The following OCIAD1 variants were observed in gnomAD, a reference collection of about 807,000 sequenced individuals.
OCIAD1 encodes the protein OCIA domain-containing protein 1.
In OCIAD1, 29 loss-of-function variants were observed where a neutral mutation model predicts 38.9. The observed-to-expected ratio is 0.74, with a 90% CI of 0.55 to 1.02. The LOEUF is 1.02. Ranked by LOEUF, OCIAD1 falls within the 50% of genes least tolerant of loss-of-function variation. The probability of loss-of-function intolerance (pLI) is 0.00; values close to 1 mark genes in which losing one functional copy is unlikely to be tolerated. For synonymous variants in OCIAD1, 110 were observed against 92.0 expected (o/e 1.20, Z -1.12); for missense variants, 288 against 289.6 (o/e 0.99, Z 0.04).
At chr4:48,817,410 C>T (rs1312225978) in intron 1 of OCIAD1, among the ~76,000 whole-genome samples, 20 of 146,870 alleles carry the variant, frequency 1.4e-4, no homozygotes, top group Non-Finnish European at 2.0e-4. Context: ...GCTACCCAGC[C>T]GGGTTACTAC....
chr4:48,806,130 G>A (rs558489208), intron 1 of OCIAD1, among the ~76,000 whole-genome samples: 58 of 152,162 alleles, frequency 3.8e-4, no homozygotes, highest in African/African-American at 1.3e-3. Context: ...AGCCATGCAC[G>A]GTGGCAGGCG....
At chr4:48,831,476 C>G in intron 1 of OCIAD1, 1 of 1,289,810 alleles carries the variant, frequency 7.8e-7, no homozygotes, top group Non-Finnish European at 1.0e-6. Flanking sequence ...TGTGGGGTTG[C>G]TGCTCAGTCT....
intron 1 of OCIAD1, among the ~76,000 whole-genome samples, chr4:48,823,675 T>G (rs545489095): frequency 5.3e-5 from 8 of 152,076 alleles, no homozygotes; most frequent in Non-Finnish European, 8.8e-5. Flanking sequence ...ATTTTTAATT[T>G]TTTTTTAGAG....
At chr4:48,822,879 G>C (rs1051049190) in intron 1 of OCIAD1, among the ~76,000 whole-genome samples, 1 of 152,196 alleles carries the variant, frequency 6.6e-6, no homozygotes, top group African/African-American at 2.4e-5. Flanking sequence ...TTATTAAAAA[G>C]TCAGGAGACA....
chr4:48,852,042 T>C, intron 7 of OCIAD1, 67 bp downstream of exon 7: 1 of 1,153,002 alleles, frequency 8.7e-7, no homozygotes, highest in Non-Finnish European at 1.2e-6. Flanking sequence ...CTTTATTTGA[T>C]GACCTTTTCT....
chr4:48,848,007 G>GATCTTTCAT lies in OCIAD1; in HGVS notation c.194-382_194-374dup, dbSNP rs575099875. ...AAGTTTTATAACTTGTCAGTGTAGA[G>GATCTTTCAT]ATCTTTCATATCTTTCATTAGATTT... On this transcript the variant is annotated intron_variant, in intron 4 of 8. Coordinates refer to ENST00000264312, the MANE Select transcript of OCIAD1 (RefSeq NM_017830.4). 5.1e-3 allele frequency among the ~76,000 whole-genome samples: 771 copies of GATCTTTCAT among 150,130 alleles called. 3 individuals carry two copies. Among genetic ancestry groups the GATCTTTCAT allele is most frequent in the Non-Finnish European group, 7.9e-3 (536 of 67,584 alleles).
At chr4:48,843,423 C>G (rs1174286899) in intron 4 of OCIAD1, among the ~76,000 whole-genome samples, 2 of 152,134 alleles carry the variant, frequency 1.3e-5, no homozygotes, top group African/African-American at 4.8e-5. Flanking sequence ...TTTTAATTAA[C>G]TGGCTCCTTC....
intron 8 of OCIAD1, among the ~76,000 whole-genome samples, chr4:48,858,489 T>C (rs908920583): frequency 6.6e-6 from 1 of 152,166 alleles, no homozygotes; most frequent in Non-Finnish European, 1.5e-5. Context: ...GGTTTTATTC[T>C]GTCACCCAGG....
chr4:48,831,695 C>T (rs1777521003), intron 1 of OCIAD1, among the ~76,000 whole-genome samples: 1 of 152,094 alleles, frequency 6.6e-6, no homozygotes, highest in Non-Finnish European at 1.5e-5. Flanking sequence ...TTTTCTCATA[C>T]GGTTGTAGGG....
chr4:48,821,289 A>G (rs942819618), intron 1 of OCIAD1, among the ~76,000 whole-genome samples: 2 of 152,256 alleles, frequency 1.3e-5, no homozygotes, highest in African/African-American at 2.4e-5. Context: ...AACAGAACCA[A>G]TGACAAGAAC....
chr4:48,813,799 C>G (rs1438102823), intron 1 of OCIAD1, among the ~76,000 whole-genome samples: 1 of 152,138 alleles, frequency 6.6e-6, no homozygotes, highest in African/African-American at 2.4e-5. Context: ...GTTTTAAAAA[C>G]TTTTTTTCAT....
At chr4:48,856,059 G>T (rs1780010825) in intron 7 of OCIAD1, 1 of 151,686 alleles carries the variant, frequency 6.6e-6, no homozygotes, top group African/African-American at 2.4e-5. Context: ...TTAAGTAGTT[G>T]TTCACTGAAT....
At chr4:48,815,090 G>C (rs1005816876) in intron 1 of OCIAD1, among the ~76,000 whole-genome samples, 5 of 152,186 alleles carry the variant, frequency 3.3e-5, no homozygotes, top group Non-Finnish European at 7.3e-5. Context: ...GAGGTGGGCA[G>C]ATCATGAGGT....
chr4:48,830,998 A>C (rs1777426926), upstream of OCIAD1: 1 of 175,148 alleles, frequency 5.7e-6, no homozygotes, highest in African/African-American at 2.4e-5. Flanking sequence ...GCATGCGTCT[A>C]TTCCTAGGCT....
chr4:48,806,902 C>T (rs993221795), intron 1 of OCIAD1, among the ~76,000 whole-genome samples: 3 of 152,100 alleles, frequency 2.0e-5, no homozygotes, highest in Non-Finnish European at 4.4e-5. Context: ...CCCAGTCCAG[C>T]TTTCTTTTCT....
chr4:48,833,267 G>A, intron 2 of OCIAD1, 134 bp from the exon 3 acceptor site: 1 of 608,712 alleles, frequency 1.6e-6, no homozygotes, highest in Non-Finnish European at 2.9e-6. Context: ...AACAAAAAAA[G>A]TGCATAAGCC....
intron 2 of OCIAD1, among the ~76,000 whole-genome samples, chr4:48,833,028 A>G (rs1362093414): frequency 1.3e-5 from 2 of 152,098 alleles, no homozygotes; most frequent in Non-Finnish European, 2.9e-5. Context: ...AGATGGGTGG[A>G]ACACCTGAGG....
rs545872421 is a variant in OCIAD1, at chr4:48,807,035, C to T, written c.-103+1705C>T. On this transcript the variant is annotated intron_variant, in intron 1 of 6. Coordinates refer to the OCIAD1 transcript ENST00000504654. Reference sequence around the variant, plus strand: ...TCTCCTGCCTCAGCCTCTGGGGTAGCTGGGACCACAGGCACACACCACCAA... The same window carrying T: ...TCTCCTGCCTCAGCCTCTGGGGTAGTTGGGACCACAGGCACACACCACCAA... Among the ~76,000 whole-genome samples the T allele has an allele frequency of 5.9e-5, 9 of 152,328 alleles. No individual in the cohort carries two copies. The South Asian group carries it at 1.7e-3, about 28-fold the overall frequency.
At chr4:48,855,020 T>A (rs1779894593) in intron 7 of OCIAD1, among the ~76,000 whole-genome samples, 1 of 152,238 alleles carries the variant, frequency 6.6e-6, no homozygotes, top group Non-Finnish European at 1.5e-5. Flanking sequence ...CTCTCCATAG[T>A]GTGGGAAATT....
Sources: allele counts gnomAD v4.1 joint callset (sites outside exome capture counted in the v4.1 genomes callset), GRCh38; gene constraint gnomAD v4.1.1; transcripts MANE v1.5; gene names NCBI Gene and HGNC (gene_info 2026-07-23, HGNC 2026-07-21).